WDR86: variants seen among roughly 807,000 people sequenced by gnomAD.
WDR86 encodes the protein WD repeat-containing protein 86.
In WDR86, 30 loss-of-function variants were observed where a neutral mutation model predicts 36.5. The observed-to-expected ratio is 0.82, with a 90% CI of 0.61 to 1.11. The LOEUF (loss-of-function observed/expected upper bound fraction) is 1.11, where lower values mean the gene tolerates loss of function less well. Ranked by LOEUF, WDR86 falls within the 50% of genes most tolerant of loss-of-function variation. The pLI, the probability that WDR86 is intolerant of heterozygous loss-of-function variation, is 0.00. For synonymous variants in WDR86, 255 were observed against 252.9 expected (o/e 1.01, Z -0.08); for missense variants, 545 against 561.2 (o/e 0.97, Z 0.29).
At position 151,389,493 on chromosome 7, in the gene WDR86, C is replaced by T. The variant is rs549426983; in HGVS notation, c.727-4270G>A. On this transcript the variant is annotated intron_variant, in intron 3 of 5. Transcript: ENST00000334493. ...GCCCCACACTTGGCCCACCAGGAAACCTCAGCCACTCTCTCCCTTGGCTCT... is the reference window on the plus strand; with the variant it reads ...GCCCCACACTTGGCCCACCAGGAAATCTCAGCCACTCTCTCCCTTGGCTCT... 2.0e-5 allele frequency among the ~76,000 whole-genome samples: 3 copies of T among 152,326 alleles called. No individual in the cohort carries two copies. The East Asian group carries it at 5.8e-4, about 29-fold the overall frequency.
chr7:151,409,635 G>T lies in WDR86; in HGVS notation c.-46C>A. ...CAAGAAGGAGCTGCGCCCCGCTAGGGAGGGGCGCCCCGGGGTCCGCGCGGC... is the reference window on the plus strand; with the variant it reads ...CAAGAAGGAGCTGCGCCCCGCTAGGTAGGGGCGCCCCGGGGTCCGCGCGGC... On this transcript the variant is annotated 5_prime_UTR_variant, in exon 1 of 6. Transcript: ENST00000334493. This position sits in a 1 kb window ranked among gnomAD's most constrained non-coding sequence, Gnocchi z 5.2. The T allele has an allele frequency of 7.5e-7, 1 of 1,326,736 alleles. No homozygotes were observed. Among genetic ancestry groups the T allele is most frequent in the Non-Finnish European group, 9.6e-7 (1 of 1,042,662 alleles). The allele number at this position is 1,326,736 out of a possible 1,614,324, so 82.2% of individuals were successfully genotyped here.
chr7:151,373,970 G>GC (rs897328976), downstream of WDR86: 6 of 1,002,082 alleles, frequency 6.0e-6, no homozygotes, highest in African/African-American at 6.5e-5. Context: ...TAGAAAGAGG[G>GC]CCCCCTGTGC....
intron 3 of WDR86, among the ~76,000 whole-genome samples, chr7:151,393,693 AG>A (rs998109958): frequency 1.3e-5 from 2 of 152,016 alleles, no homozygotes; most frequent in South Asian, 2.1e-4. Flanking sequence ...TGAGCCAGGT[AG>A]GGGGGGTCTC....
downstream of WDR86, chr7:151,377,210 A>G (rs2159158): frequency 0.49 from 755,532 of 1,534,830 alleles, 194,836 homozygotes; most frequent in Non-Finnish European, 0.54. Context: ...GGAAGTCAGC[A>G]ACAAAGAAAA....
chr7:151,379,262 C>T (rs949567513), downstream of WDR86, among the ~76,000 whole-genome samples: 1 of 152,066 alleles, frequency 6.6e-6, no homozygotes. Context: ...AGGTTGGATG[C>T]CATTAGAGGA....
At chr7:151,373,784 G>A (rs1798071065), downstream of WDR86, among the ~76,000 whole-genome samples, 1 of 152,380 alleles carries the variant, frequency 6.6e-6, no homozygotes, top group Admixed American at 6.5e-5. Context: ...CTCTGCAGTG[G>A]GAGTGCTGGG....
chr7:151,389,748 A>G (rs1415700341), intron 3 of WDR86, among the ~76,000 whole-genome samples: 1 of 152,192 alleles, frequency 6.6e-6, no homozygotes, highest in African/African-American at 2.4e-5. Context: ...CCTGGAAGTG[A>G]GCATGAGGCC....
At chr7:151,399,691 G>A (rs1800137751) in intron 2 of WDR86, among the ~76,000 whole-genome samples, 1 of 152,230 alleles carries the variant, frequency 6.6e-6, no homozygotes, top group African/African-American at 2.4e-5. Context: ...CCTCAACTCC[G>A]TCTTCGGAAC....
At position 151,381,540 on chromosome 7, in the gene WDR86, C is replaced by A; in HGVS notation, c.*42G>T. ...GTAGCAGGGCGGGGCGCTCTGGGAG[C>A]CGCTGGGTGTCTGGGCTGGCGTCTG... On this transcript the variant is annotated 3_prime_UTR_variant, in exon 6 of 6. Coordinates refer to ENST00000334493, the MANE Select transcript of WDR86 (RefSeq NM_198285.3). The surrounding 1 kb of genome is among the most constrained non-coding windows in gnomAD (Gnocchi z 4.8). 2 of 1,396,090 alleles carry A rather than the reference C, an allele frequency of 1.4e-6. No individual in the cohort carries two copies. Among genetic ancestry groups the A allele is most frequent in the Middle Eastern group, 2.6e-4 (1 of 3,854 alleles). The allele number at this position is 1,396,090 out of a possible 1,614,324, so 86.5% of individuals were successfully genotyped here.
At chr7:151,396,997 GC>G (rs1799872270) in intron 2 of WDR86, among the ~76,000 whole-genome samples, 1 of 152,222 alleles carries the variant, frequency 6.6e-6, no homozygotes, top group Admixed American at 6.5e-5. Flanking sequence ...TTTGATGGAA[GC>G]CAAGAACTCC....
chr7:151,377,745 C>G (rs1195463762), downstream of WDR86: 1 of 152,396 alleles, frequency 6.6e-6, no homozygotes, highest in African/African-American at 2.4e-5. Flanking sequence ...CTTCCAAGTG[C>G]TGTGGGGCAT....
chr7:151,382,054 G>A, intron 4 of WDR86, 73 bp from the exon 5 acceptor site: 1 of 1,400,438 alleles, frequency 7.1e-7, no homozygotes, highest in Non-Finnish European at 9.8e-7. Context: ...GGCGGCGAGA[G>A]CGTGACCTGG....
rs779085030 is a variant in WDR86, at chr7:151,396,101, C to T, written c.401G>A (p.Arg134Gln). 9.9e-6 allele frequency: 16 copies of T among 1,612,712 alleles called. No individual in the cohort carries two copies. The highest frequency in any genetic ancestry group is 4.0e-5 in the African/African-American group (3 of 74,936). Residue 134 changes from arginine (R) to glutamine (Q), a missense_variant, in exon 3 of 6, where the codon CGG becomes CAG. Arg to Gln is a conservative substitution (Grantham distance 43). Coordinates refer to ENST00000334493, the MANE Select transcript of WDR86 (RefSeq NM_198285.3). ...GGTCAGCACGCAGTTGCGGTGGCCC[C>T]GGAACTCCCGGGACATCTGCCCCTT... Reference protein sequence around the residue: ...VDKGQMSREFRGHRNCVLTLA... With the variant: ...VDKGQMSREFQGHRNCVLTLA...
At chr7:151,372,574 G>A (rs1798011385), downstream of WDR86, among the ~76,000 whole-genome samples, 1 of 152,220 alleles carries the variant, frequency 6.6e-6, no homozygotes, top group South Asian at 2.1e-4. Context: ...AAATAAAAGT[G>A]CAAATGTGAG....
chr7:151,383,885 T>C (rs1284358044), intron 4 of WDR86, among the ~76,000 whole-genome samples: 2 of 152,222 alleles, frequency 1.3e-5, no homozygotes, highest in Non-Finnish European at 2.9e-5. Context: ...GCGGGCTCCA[T>C]GCCCCGGCTG....
chr7:151,408,928 T>G (rs535753249), intron 1 of WDR86: 5 of 471,774 alleles, frequency 1.1e-5, no homozygotes, highest in Non-Finnish European at 2.2e-5. Context: ...TGGGGTAACA[T>G]AGTGTGACGA....
In WDR86 at chr7:151,388,011, C is replaced by T. The variant is rs1799115591; in HGVS notation, c.727-2788G>A. ...GCTGTGCGCCACACGCAGCCCAGGG[C>T]CTGAACATGGTAACCCCCGCCCATC... On this transcript the variant is annotated intron_variant, in intron 3 of 5. Coordinates refer to ENST00000334493, the MANE Select transcript of WDR86 (RefSeq NM_198285.3). The surrounding 1 kb of genome is among the most constrained non-coding windows in gnomAD (Gnocchi z 4.2). Among the ~76,000 whole-genome samples, 1 of 152,258 alleles carries T rather than the reference C, an allele frequency of 6.6e-6. No homozygotes were observed. Among genetic ancestry groups the T allele is most frequent in the African/African-American group, 2.4e-5 (1 of 41,474 alleles).
downstream of WDR86, chr7:151,376,594 C>T (rs569851979): frequency 2.6e-5 from 40 of 1,543,812 alleles, no homozygotes; most frequent in Non-Finnish European, 2.9e-5. Flanking sequence ...GCAGAAGAGG[C>T]GCCAGGGGCT....
downstream of WDR86, among the ~76,000 whole-genome samples, chr7:151,380,342 C>T (rs1563038975): frequency 6.6e-6 from 1 of 152,214 alleles, no homozygotes; most frequent in Non-Finnish European, 1.5e-5. Context: ...CGGCCCCGGC[C>T]GTCTCTGATG....
Sources: gnomAD v4.1 joint callset for allele counts (sites outside exome capture counted in the v4.1 genomes callset) on GRCh38, gnomAD v4.1.1 for gene constraint, Gnocchi (gnomAD v3.1) non-coding constraint, MANE v1.5 for transcripts, NCBI Gene and HGNC (gene_info 2026-07-23, HGNC 2026-07-21) for gene names.